The following KCNAB1 variants were observed in gnomAD, a reference collection of about 807,000 sequenced individuals.
KCNAB1 encodes voltage-gated potassium channel subunit beta-1.
In KCNAB1, 35 loss-of-function variants were observed where a neutral mutation model predicts 64.6. The observed-to-expected ratio is 0.54, with a 90% CI of 0.41 to 0.72. The LOEUF (loss-of-function observed/expected upper bound fraction) is 0.72. Among genes scored for constraint, KCNAB1 ranks in the 30% least tolerant of loss-of-function variants. The probability of loss-of-function intolerance (pLI) is 0.00; values close to 1 mark genes in which losing one functional copy is unlikely to be tolerated. For synonymous variants in KCNAB1, 177 were observed against 183.8 expected, an observed-to-expected ratio of 0.96 and a Z score of 0.30; for missense variants, 401 against 512.9, an observed-to-expected ratio of 0.78 and a Z score of 2.11.
intron 1 of KCNAB1, among the ~76,000 whole-genome samples, chr3:156,252,687 G>A (rs1717897218): frequency 6.6e-6 from 1 of 152,204 alleles, no homozygotes. Context: ...TAAGGTGACT[G>A]TGGGAAGCTG....
Position 156,257,748 on chromosome 3 carries a change from C to G in KCNAB1, c.275+136862C>G, listed in dbSNP as rs1718181716. Among the ~76,000 whole-genome samples the G allele has an allele frequency of 2.0e-5, 3 of 152,108 alleles. No homozygotes were observed. In the South Asian group the frequency reaches 6.2e-4, roughly 32 times the overall value. ...GGCTGCTTATGAGAGTCATAGTTTA[C>G]TGGGGGATATCACATGGATGGTGAC... On this transcript the variant is annotated intron_variant, in intron 1 of 13. Transcript: ENST00000490337.
At chr3:156,468,378 T>C (rs1382283138) in intron 7 of KCNAB1, among the ~76,000 whole-genome samples, 2 of 152,120 alleles carry the variant, frequency 1.3e-5, no homozygotes, top group Non-Finnish European at 2.9e-5. Flanking sequence ...CATAGATATA[T>C]GCCATAATAA....
chr3:156,194,108 T>C (rs1713733675), intron 1 of KCNAB1, among the ~76,000 whole-genome samples: 1 of 152,056 alleles, frequency 6.6e-6, no homozygotes, highest in South Asian at 2.1e-4. Flanking sequence ...ATATTGCTAT[T>C]AGTTTTATGT....
chr3:156,398,058 T>C (rs1315249097), intron 1 of KCNAB1, among the ~76,000 whole-genome samples: 2 of 152,192 alleles, frequency 1.3e-5, no homozygotes, highest in East Asian at 3.8e-4. Flanking sequence ...CATATTACAG[T>C]AACTATAAAG....
At chr3:156,524,426 G>A (rs1158008390) in intron 12 of KCNAB1, among the ~76,000 whole-genome samples, 1 of 152,184 alleles carries the variant, frequency 6.6e-6, no homozygotes, top group Non-Finnish European at 1.5e-5. Flanking sequence ...TGGAGTCCAT[G>A]AAAGGTCATG....
chr3:156,200,764 C>T (rs1488721595), intron 1 of KCNAB1, among the ~76,000 whole-genome samples: 1 of 152,218 alleles, frequency 6.6e-6, no homozygotes, highest in South Asian at 2.1e-4. Context: ...GAATGGGACC[C>T]GCTGAATGAG....
At chr3:156,309,113 T>C (rs1342824184) in intron 1 of KCNAB1, among the ~76,000 whole-genome samples, 1 of 152,192 alleles carries the variant, frequency 6.6e-6, no homozygotes, top group Non-Finnish European at 1.5e-5. Context: ...GTATTAGAAA[T>C]TTATTTTTTT....
intron 7 of KCNAB1, among the ~76,000 whole-genome samples, chr3:156,468,397 C>A (rs2108307425): frequency 6.6e-6 from 1 of 152,012 alleles, no homozygotes; most frequent in East Asian, 1.9e-4. Flanking sequence ...AATTAAATCA[C>A]CCCATTGTTT....
chr3:156,470,538 G>C (rs554861839), intron 7 of KCNAB1, among the ~76,000 whole-genome samples: 1 of 152,286 alleles, frequency 6.6e-6, no homozygotes, highest in African/African-American at 2.4e-5. Context: ...CATTCCTTTA[G>C]TGCCTAATGT....
At chr3:156,266,564 T>G (rs1718726779) in intron 1 of KCNAB1, among the ~76,000 whole-genome samples, 1 of 152,252 alleles carries the variant, frequency 6.6e-6, no homozygotes, top group South Asian at 2.1e-4. Flanking sequence ...TTCTCTTTTC[T>G]TTACTAGAGG....
intron 1 of KCNAB1, among the ~76,000 whole-genome samples, chr3:156,376,118 C>G (rs900089781): frequency 2.0e-5 from 3 of 152,242 alleles, no homozygotes; most frequent in Non-Finnish European, 2.9e-5. Flanking sequence ...CCTCACCCAG[C>G]CTTTCATTTA....
chr3:156,298,833 A>G (rs998853369), intron 1 of KCNAB1, among the ~76,000 whole-genome samples: 1 of 152,260 alleles, frequency 6.6e-6, no homozygotes, highest in Non-Finnish European at 1.5e-5. Flanking sequence ...CAAGTTAATC[A>G]TATTGTATGC....
At chr3:156,276,424 T>C (rs9836866) in intron 1 of KCNAB1, among the ~76,000 whole-genome samples, 1,821 of 152,258 alleles carry the variant, frequency 0.012, 59 homozygotes, top group African/African-American at 0.042. Flanking sequence ...CATTAGCCCC[T>C]ATTAAGAGAG....
chr3:156,479,597 G>A (rs917051082), intron 8 of KCNAB1, among the ~76,000 whole-genome samples: 4 of 152,068 alleles, frequency 2.6e-5, no homozygotes, highest in Non-Finnish European at 5.9e-5. Context: ...CTAACTTTTC[G>A]ATCTGAAAAT....
chr3:156,419,975 T>G (rs1235067251), intron 1 of KCNAB1, among the ~76,000 whole-genome samples: 1 of 152,256 alleles, frequency 6.6e-6, no homozygotes, highest in East Asian at 1.9e-4. Flanking sequence ...AATGAACAAT[T>G]TCTTATAAAA....
In KCNAB1 at chr3:156,536,709, C is replaced by T. The variant is rs376655720; in HGVS notation, c.1222C>T (p.Arg408Cys). 82 of 1,613,024 alleles carry T rather than the reference C, an allele frequency of 5.1e-5. 1 individual carries two copies. The highest frequency in any genetic ancestry group is 5.0e-4 in the Middle Eastern group (3 of 6,060). Residue 408 changes from arginine (R) to cysteine (C), a missense_variant, in exon 14 of 14, where the codon CGC (arginine) becomes TGC (cysteine). Coordinates refer to ENST00000490337, the MANE Select transcript of KCNAB1 (RefSeq NM_172160.3). Reference protein sequence around the residue: ...HVVNEIDNILRNKPYSKKDYR... With the variant: ...HVVNEIDNILCNKPYSKKDYR... ...GGTAAATGAGATTGATAACATACTG[C>T]GCAACAAGCCCTACAGCAAGAAGGA...
At chr3:156,475,676 A>G in intron 8 of KCNAB1, among the ~76,000 whole-genome samples, 1 of 152,232 alleles carries the variant, frequency 6.6e-6, no homozygotes, top group East Asian at 1.9e-4. Context: ...ATGAGATTAC[A>G]TTGAAGGTAA....
chr3:156,522,213 G>A (rs1174144385), intron 11 of KCNAB1, among the ~76,000 whole-genome samples: 2 of 151,680 alleles, frequency 1.3e-5, no homozygotes, highest in Non-Finnish European at 2.9e-5. Context: ...AAAGCAGTTG[G>A]CTATTAGTTT....
At chr3:156,421,587 G>T in intron 1 of KCNAB1, 29 bp from the exon 2 acceptor site, 1 of 1,611,630 alleles carries the variant, frequency 6.2e-7, no homozygotes, top group South Asian at 1.1e-5. Flanking sequence ...AGGAAATGAT[G>T]ACCAAGTGTT....
Sources: gnomAD v4.1 joint callset for allele counts (sites outside exome capture counted in the v4.1 genomes callset) on GRCh38, gnomAD v4.1.1 for gene constraint, MANE v1.5 for transcripts, NCBI Gene and HGNC (gene_info 2026-07-23, HGNC 2026-07-21) for gene names.